The following SFPQ variants were observed in gnomAD, a reference collection of about 807,000 sequenced individuals.
SFPQ encodes splicing factor, proline- and glutamine-rich.
SFPQ carries 11 observed loss-of-function variants against 72.9 expected under a neutral mutation model. That is an observed-to-expected ratio of 0.15 (90% CI 0.09 to 0.25). The LOEUF (loss-of-function observed/expected upper bound fraction) is 0.25. Among genes scored for constraint, SFPQ ranks in the 10% least tolerant of loss-of-function variants. SFPQ has a pLI of 1.00. For synonymous variants in SFPQ, 506 were observed against 367.3 expected (o/e 1.38, Z -4.32); for missense variants, 847 against 993.3 (o/e 0.85, Z 1.98).
Position 35,187,184 on chromosome 1 carries a change from A to C in SFPQ, c.1864+19T>G. The C allele has an allele frequency of 6.2e-7, 1 of 1,614,064 alleles. No individual in the cohort carries two copies. Among genetic ancestry groups the C allele is most frequent in the Non-Finnish European group, 8.5e-7 (1 of 1,179,956 alleles). On this transcript the variant is annotated intron_variant, in intron 8 of 9. Transcript: ENST00000357214. ...ATACTACTCTCTACTTATATCATTA[A>C]TTTAAATTTCACACTTACCTCCCAT...
At position 35,192,767 on chromosome 1, in the gene SFPQ, G is replaced by C; in HGVS notation, c.283C>G (p.Gln95Glu). 1 of 1,501,828 alleles carries C rather than the reference G, an allele frequency of 6.7e-7. No homozygotes were observed. Among genetic ancestry groups the C allele is most frequent in the Non-Finnish European group, 8.8e-7 (1 of 1,131,162 alleles). 93.0% of individuals were successfully genotyped at this position (1,501,828 alleles called of 1,614,324 possible). ...GGCGGTGGCGGCGGCTGCTGCTGCT[G>C]ATGCGGCTGTGGATGCGGCGGCGGC... ...HQPPPHPQPH[Q>E]QQQPPPPPQD... The change falls in exon 1 of 10, where the codon CAG (glutamine) becomes GAG (glutamate). Residue 95 changes from glutamine (Q) to glutamate (E), a missense_variant. By Grantham distance (29) the Gln-to-Glu change is conservative. Transcript: ENST00000357214.
rs188072450 is a variant in SFPQ at position 35,190,287 on chromosome 1, A to G, written c.1415+211T>C. On this transcript the variant is annotated intron_variant, in intron 4 of 9. Coordinates refer to ENST00000357214, the MANE Select transcript of SFPQ (RefSeq NM_005066.3). Reference sequence around the variant, plus strand: ...GACTTTATGCCATTATTGCAGGGACAAAACAGGACTGCATGTGAATGTATC... The same window carrying G: ...GACTTTATGCCATTATTGCAGGGACGAAACAGGACTGCATGTGAATGTATC... Among the ~76,000 whole-genome samples the G allele has an allele frequency of 2.3e-4, 35 of 152,364 alleles. No individual in the cohort carries two copies. In the East Asian group the frequency reaches 5.8e-3, roughly 25 times the overall value.
At position 35,192,403 on chromosome 1, in the gene SFPQ, G is replaced by A. The variant is rs1191276722; in HGVS notation, c.647C>T (p.Pro216Leu). Reference sequence around the variant, plus strand: ...TAGGCCCGGGCCGCCACCTGGCTTCGGCCCGCCAGGCATTTTGCCGCCTTT... The same window carrying A: ...TAGGCCCGGGCCGCCACCTGGCTTCAGCCCGCCAGGCATTTTGCCGCCTTT... ...GPKGGKMPGG[P>L]KPGGGPGLST... The change falls in exon 1 of 10, where the codon CCG becomes CTG. Residue 216 changes from proline to leucine, a missense_variant. Around this residue, in one of 6 missense-constraint regions of SFPQ, gnomAD observed 498 missense variants for 405.1 expected, o/e 1.23. Coordinates refer to ENST00000357214, the MANE Select transcript of SFPQ (RefSeq NM_005066.3). 6 of 1,421,430 alleles carry A rather than the reference G, an allele frequency of 4.2e-6. No homozygotes were observed. Among genetic ancestry groups the A allele is most frequent in the Non-Finnish European group, 5.5e-6 (6 of 1,095,742 alleles). The allele number at this position is 1,421,430 out of a possible 1,614,324, so 88.1% of individuals were successfully genotyped here.
At chr1:35,185,761 A>G (rs886603116) in intron 9 of SFPQ, among the ~76,000 whole-genome samples, 1 of 152,202 alleles carries the variant, frequency 6.6e-6, no homozygotes, top group African/African-American at 2.4e-5. Flanking sequence ...AATCTTATAA[A>G]TTACAGGGTT....
Position 35,177,804 on chromosome 1 carries a change from A to G in SFPQ, c.*24+185T>C, listed in dbSNP as rs752358117. ...CTTTTTAAAAATTCTATTGTTTGAC[A>G]TTTTTATAATGCCTCTCACTTGCTT... On this transcript the variant is annotated intron_variant and NMD_transcript_variant, in intron 4 of 5. Coordinates refer to the SFPQ transcript ENST00000460428. 210 of 187,630 alleles carry G rather than the reference A, an allele frequency of 1.1e-3. 1 individual carries two copies. Among genetic ancestry groups the G allele is most frequent in the Non-Finnish European group, 1.9e-3 (175 of 92,278 alleles). The allele number at this position is 187,630 out of a possible 1,614,324, so 11.6% of individuals were successfully genotyped here. A position where few individuals can be genotyped will look rare whatever the true frequency, so the allele number is the denominator to read the frequency against.
intron 9 of SFPQ, among the ~76,000 whole-genome samples, chr1:35,186,360 A>T (rs1021914689): frequency 1.3e-5 from 2 of 152,212 alleles, no homozygotes; most frequent in African/African-American, 4.8e-5. Flanking sequence ...AGCATCAAGA[A>T]GGTTCAGATC....
rs1424021403 is a variant in SFPQ, at chr1:35,184,269, A to T, written c.*187T>A. ...AATAAAGAAATAAAAAGGAAAAAAAAATTCTCCTGTTCCAAACACTGCATT... is the reference window on the plus strand; with the variant it reads ...AATAAAGAAATAAAAAGGAAAAAAATATTCTCCTGTTCCAAACACTGCATT... On this transcript the variant is annotated 3_prime_UTR_variant, in exon 10 of 10. Coordinates refer to ENST00000357214, the MANE Select transcript of SFPQ (RefSeq NM_005066.3). 3.7e-6 allele frequency: 5 copies of T among 1,362,146 alleles called. No individual in the cohort carries two copies. Among genetic ancestry groups the T allele is most frequent in the Non-Finnish European group, 4.7e-6 (5 of 1,066,680 alleles). The allele number at this position is 1,362,146 out of a possible 1,614,324, so 84.4% of individuals were successfully genotyped here.
chr1:35,191,017 G>C (rs750650267), intron 2 of SFPQ, 22 bp from the exon 3 acceptor site: 5 of 1,595,848 alleles, frequency 3.1e-6, no homozygotes, highest in Non-Finnish European at 4.3e-6. Flanking sequence ...AGACACTCAT[G>C]TTAATGACCT....
At chr1:35,181,098 C>A (rs1041755318), downstream of SFPQ, 132 of 1,064,852 alleles carry the variant, frequency 1.2e-4, no homozygotes, top group Non-Finnish European at 1.5e-4. Context: ...AAAGTACATA[C>A]AAGTCACCAA....
chr1:35,189,175 G>C lies in SFPQ; in HGVS notation c.1612+11C>G, dbSNP rs764408460. The C allele has an allele frequency of 1.2e-6, 2 of 1,613,644 alleles. No homozygotes were observed. The highest frequency in any genetic ancestry group is 1.1e-5 in the South Asian group (1 of 91,064). ...ACCTTAGCAATGATGTTCACGCACA[G>C]GTCTTTTTACCTTGGCGCAAAAGAT... On this transcript the variant is annotated intron_variant, in intron 5 of 9. Transcript: ENST00000357214.
downstream of SFPQ, chr1:35,179,148 T>A: frequency 9.4e-7 from 1 of 1,059,854 alleles, no homozygotes; most frequent in African/African-American, 1.6e-5. Context: ...CAGACCAACA[T>A]CCTGGCTCTC....
chr1:35,179,214 T>C, downstream of SFPQ: 3 of 1,061,380 alleles, frequency 2.8e-6, no homozygotes, highest in Non-Finnish European at 1.1e-6. Context: ...CTGTGGATCA[T>C]GTCACTGCAG....
Position 35,191,383 on chromosome 1 carries a change from T to A in SFPQ, c.975A>T (p.Glu325Asp). 1 of 1,614,128 alleles carries A rather than the reference T, an allele frequency of 6.2e-7. No individual in the cohort carries two copies. The highest frequency in any genetic ancestry group is 8.5e-7 in the Non-Finnish European group (1 of 1,179,970). The stretch of plus-strand genomic sequence containing the variant: ...ATCCTTTGCCTTTGTTGATAAAAAC[T>A]TCTCCTGGTTCTCCATATTTAGCAA... ...RLFAKYGEPG[E>D]VFINKGKGFG... is the part of the protein sequence containing the mutation. Residue 325 changes from glutamate (E) to aspartate (D), a missense_variant, in exon 2 of 10, where the codon GAA becomes GAT. Glu to Asp is a conservative substitution (Grantham distance 45, BLOSUM62 2). Around this residue, in one of 6 missense-constraint regions of SFPQ, gnomAD observed 35 missense variants for 52.9 expected, o/e 0.66. Transcript: ENST00000357214.
downstream of SFPQ, chr1:35,182,632 T>C (rs1639517541): frequency 2.0e-6 from 2 of 985,270 alleles, no homozygotes; most frequent in African/African-American, 3.5e-5. Flanking sequence ...TAATAAAGGT[T>C]TGACTTAGAA....
In SFPQ at chr1:35,192,854, G is replaced by T; in HGVS notation, c.196C>A (p.His66Asn). ...PKPPIPPPPP[H>N]QQQQQPPPQQ... ...GGTGGTGGCTGTTGCTGCTGTTGGTGTGGAGGCGGTGGCGGGATCGGAGGC... is the reference window on the plus strand; with the variant it reads ...GGTGGTGGCTGTTGCTGCTGTTGGTTTGGAGGCGGTGGCGGGATCGGAGGC... Residue 66 changes from histidine to asparagine, a missense_variant, in exon 1 of 10, where the codon CAC becomes AAC. By Grantham distance (68) the His-to-Asn change is moderately conservative. Transcript: ENST00000357214. 1 of 1,533,522 alleles carries T rather than the reference G, an allele frequency of 6.5e-7. No homozygotes were observed. The highest frequency in any genetic ancestry group is 1.9e-5 in the Admixed American group (1 of 51,674). The allele number at this position is 1,533,522 out of a possible 1,614,324, so 95.0% of individuals were successfully genotyped here. A position where few individuals can be genotyped will look rare whatever the true frequency, so the allele number is the denominator to read the frequency against.
Position 35,184,371 on chromosome 1 carries a change from T to A in SFPQ, c.*85A>T. On this transcript the variant is annotated 3_prime_UTR_variant, in exon 10 of 10. Transcript: ENST00000357214. ...CTGCTAACATCCATAAAAAGATAGC[T>A]TTCTTACTAAAATGCAAGAATTTAA... is the stretch of plus-strand genomic sequence containing the variant. 1.3e-6 allele frequency: 2 copies of A among 1,568,520 alleles called. No individual in the cohort carries two copies. Among genetic ancestry groups the A allele is most frequent in the South Asian group, 2.4e-5 (2 of 82,012 alleles).
chr1:35,178,659 A>G (rs1442788783), downstream of SFPQ: 1 of 1,055,876 alleles, frequency 9.5e-7, no homozygotes, highest in African/African-American at 1.7e-5. Context: ...GGGAGAAGAC[A>G]TTCACCTTCA....
At chr1:35,185,552 C>G (rs1639670463) in intron 9 of SFPQ, among the ~76,000 whole-genome samples, 1 of 152,016 alleles carries the variant, frequency 6.6e-6, no homozygotes, top group Non-Finnish European at 1.5e-5. Context: ...AATAGCAGAC[C>G]CCTCAGGTAT....
In SFPQ at chr1:35,183,591, TG is replaced by T; in HGVS notation, c.*864del. 9.8e-7 allele frequency: 1 copy of T among 1,023,916 alleles called. No homozygotes were observed. Among genetic ancestry groups the T allele is most frequent in the Non-Finnish European group, 1.2e-6 (1 of 852,628 alleles). 63.4% of individuals were successfully genotyped at this position (1,023,916 alleles called of 1,614,324 possible). ...CATCTTTATAAATCACTTGAATACA[TG>T]AAAAGACTTCATGTTTAACATCTTT... On this transcript the variant is annotated 3_prime_UTR_variant, in exon 10 of 10. Transcript: ENST00000357214.
Sources: gnomAD v4.1 joint callset for allele counts (sites outside exome capture counted in the v4.1 genomes callset) on GRCh38, gnomAD v4.1.1 for gene constraint, gnomAD v4.1.1 regional missense constraint, MANE v1.5 for transcripts, NCBI Gene and HGNC (gene_info 2026-07-23, HGNC 2026-07-21) for gene names.